The following UNC13C variants were observed in gnomAD, a reference collection of about 807,000 sequenced individuals.
UNC13C encodes the protein unc-13 homolog C.
A neutral mutation model predicts 245.4 loss-of-function variants in UNC13C; 174 were observed. That is an observed-to-expected ratio of 0.71 (90% CI 0.63 to 0.80). The LOEUF is 0.80. Ranked by LOEUF, UNC13C falls within the 30% of genes least tolerant of loss-of-function variation. The probability of loss-of-function intolerance (pLI) is 0.00; values close to 1 mark genes in which losing one functional copy is unlikely to be tolerated. For missense variants in UNC13C, 2,829 were observed against 2,602.9 expected (o/e 1.09, Z -1.89); for synonymous variants, 992 against 895.1 (o/e 1.11, Z -1.93).
At chr15:54,119,712 A>G (rs561022062) in intron 2 of UNC13C, among the ~76,000 whole-genome samples, 1 of 152,332 alleles carries the variant, frequency 6.6e-6, no homozygotes, top group South Asian at 2.1e-4. Context: ...CTGTTAGCCA[A>G]GTTGTATAAG....
At chr15:53,939,449 A>T in the UNC13C span, among the ~76,000 whole-genome samples, 1 of 152,104 alleles carries the variant, frequency 6.6e-6, no homozygotes, top group African/African-American at 2.4e-5. Flanking sequence ...ACTATTCCGA[A>T]AATTTGAAAA....
chr15:54,311,921 A>G (rs1157302548), intron 13 of UNC13C, among the ~76,000 whole-genome samples: 2 of 151,898 alleles, frequency 1.3e-5, no homozygotes, highest in Admixed American at 1.3e-4. Context: ...CAAGAATAAA[A>G]AACATGTTAA....
At chr15:54,298,734 T>G (rs1186220477) in intron 12 of UNC13C, among the ~76,000 whole-genome samples, 2 of 152,130 alleles carry the variant, frequency 1.3e-5, no homozygotes, top group Non-Finnish European at 2.9e-5. Context: ...TAGTTAGAGG[T>G]GTCACGGGAG....
At chr15:53,981,921 T>G (rs1893944086) in intron 1 of UNC13C, among the ~76,000 whole-genome samples, 1 of 152,142 alleles carries the variant, frequency 6.6e-6, no homozygotes, top group Non-Finnish European at 1.5e-5. Context: ...CTAGTCATAT[T>G]GTATATTTTA....
chr15:53,979,200 A>G (rs1013675989), intron 1 of UNC13C, among the ~76,000 whole-genome samples: 3 of 152,214 alleles, frequency 2.0e-5, no homozygotes, highest in African/African-American at 2.4e-5. Context: ...GAATATCTAC[A>G]TAGGGACAAA....
intron 19 of UNC13C, among the ~76,000 whole-genome samples, chr15:54,465,879 AT>A (rs1892138129): frequency 6.6e-6 from 1 of 152,070 alleles, no homozygotes; most frequent in Admixed American, 6.6e-5. Context: ...AGCCTGAATT[AT>A]TCCTAGAAAA....
At chr15:54,557,320 C>G (rs749261009) in intron 29 of UNC13C, among the ~76,000 whole-genome samples, 1 of 151,888 alleles carries the variant, frequency 6.6e-6, no homozygotes, top group Non-Finnish European at 1.5e-5. Flanking sequence ...GCTAGGCCTG[C>G]TGTGCCTGCT....
intron 19 of UNC13C, among the ~76,000 whole-genome samples, chr15:54,446,061 A>G (rs1417161787): frequency 2.6e-5 from 4 of 152,116 alleles, no homozygotes; most frequent in African/African-American, 9.7e-5. Flanking sequence ...TCCTTTCCCA[A>G]TTTCTTGTTT....
chr15:53,932,529 G>A, the UNC13C span, among the ~76,000 whole-genome samples: 3 of 152,102 alleles, frequency 2.0e-5, no homozygotes, highest in African/African-American at 7.2e-5. Context: ...ACAAGGGAAT[G>A]CTTTTTACCC....
chr15:53,995,277 A>T (rs1894570742), intron 1 of UNC13C, among the ~76,000 whole-genome samples: 1 of 152,068 alleles, frequency 6.6e-6, no homozygotes, highest in African/African-American at 2.4e-5. Flanking sequence ...CCAGTAAAGG[A>T]CTTTGTTAGG....
rs2035702559 is a variant in UNC13C, at chr15:54,236,447, G to T, written c.3156+12G>T. The T allele has an allele frequency of 1.3e-6, 2 of 1,589,464 alleles. No individual in the cohort carries two copies. Among genetic ancestry groups the T allele is most frequent in the Non-Finnish European group, 1.7e-6 (2 of 1,173,598 alleles). On this transcript the variant is annotated intron_variant, in intron 6 of 32. Transcript: ENST00000260323. ...ATCTTCAGGCCATGGTAAGTGCTTT[G>T]CTATTTATTTAATTAATATTTTGCA...
intron 17 of UNC13C, among the ~76,000 whole-genome samples, chr15:54,359,055 CTG>C (rs2140859643): frequency 6.6e-6 from 1 of 151,432 alleles, no homozygotes; most frequent in Non-Finnish European, 1.5e-5. Flanking sequence ...AATTTTTTTT[CTG>C]TGTCTACTGA....
At chr15:53,866,530 T>G in the UNC13C span, among the ~76,000 whole-genome samples, 1 of 152,332 alleles carries the variant, frequency 6.6e-6, no homozygotes, top group African/African-American at 2.4e-5. Context: ...AAGTAACTCT[T>G]GTGAAAATAT....
At chr15:54,287,684 T>C (rs1358048416) in intron 10 of UNC13C, among the ~76,000 whole-genome samples, 1 of 152,114 alleles carries the variant, frequency 6.6e-6, no homozygotes, top group Non-Finnish European at 1.5e-5. Context: ...ATTGCTCATA[T>C]CTCTTTGGAA....
intron 2 of UNC13C, among the ~76,000 whole-genome samples, chr15:54,064,666 C>G (rs1172613897): frequency 6.6e-6 from 1 of 152,152 alleles, no homozygotes; most frequent in Non-Finnish European, 1.5e-5. Context: ...CTTCTTGTTC[C>G]TTTGCACTCA....
At chr15:53,931,593 C>T in the UNC13C span, among the ~76,000 whole-genome samples, 1 of 151,904 alleles carries the variant, frequency 6.6e-6, no homozygotes, top group Non-Finnish European at 1.5e-5. Context: ...CTGGGTGATG[C>T]AGGGTAAGGG....
At chr15:53,979,092 A>G (rs1056538835) in intron 1 of UNC13C, among the ~76,000 whole-genome samples, 165 bp downstream of exon 1, 2 of 152,012 alleles carry the variant, frequency 1.3e-5, no homozygotes, top group African/African-American at 2.4e-5. Context: ...TTTATAATGT[A>G]CATGATTCTA....
intron 2 of UNC13C, among the ~76,000 whole-genome samples, chr15:54,066,788 G>A (rs1042306887): frequency 2.6e-5 from 4 of 152,164 alleles, no homozygotes; most frequent in Non-Finnish European, 5.9e-5. Flanking sequence ...AAGGGAAAAA[G>A]TGCTGTGATG....
chr15:53,943,182 T>TA, the UNC13C span, among the ~76,000 whole-genome samples: 8,129 of 152,290 alleles, frequency 0.053, 426 homozygotes, highest in African/African-American at 0.13. Context: ...TGAACTGTTT[T>TA]ACCTTTCCTC....
Sources: allele counts gnomAD v4.1 joint callset (sites outside exome capture counted in the v4.1 genomes callset), GRCh38; gene constraint gnomAD v4.1.1; transcripts MANE v1.5; gene names NCBI Gene and HGNC (gene_info 2026-07-23, HGNC 2026-07-21).